The following PSMA8 variants were observed in gnomAD, a reference collection of about 807,000 sequenced individuals.
The protein encoded by PSMA8 is proteasome 20S subunit alpha 8, also known as proteasome subunit alpha-type 8.
A neutral mutation model predicts 32.4 loss-of-function variants in PSMA8; 18 were observed. The ratio of observed to expected loss-of-function variants is 0.56; its 90% CI spans 0.38 to 0.82. The LOEUF (loss-of-function observed/expected upper bound fraction) is 0.82, where lower values mean the gene tolerates loss of function less well. Ranked by LOEUF, PSMA8 falls within the 40% of genes least tolerant of loss-of-function variation. PSMA8 has a pLI of 0.00. For missense variants in PSMA8, 298 were observed against 300.7 expected (o/e 0.99, Z 0.07); for synonymous variants, 104 against 98.1 (o/e 1.06, Z -0.36).
At chr18:26,135,112 T>G (rs1382165163) in intron 1 of PSMA8, among the ~76,000 whole-genome samples, 1 of 152,176 alleles carries the variant, frequency 6.6e-6, no homozygotes, top group African/African-American at 2.4e-5. Flanking sequence ...TCCACATTAC[T>G]GAAAAACTTA....
At chr18:26,170,721 T>C (rs1254915116) in intron 4 of PSMA8, 1 of 1,492,526 alleles carries the variant, frequency 6.7e-7, no homozygotes, top group Non-Finnish European at 9.0e-7. Flanking sequence ...AACACCTTCA[T>C]ATTAATCATT....
intron 1 of PSMA8, chr18:26,139,978 T>C: frequency 1.4e-6 from 1 of 694,522 alleles, no homozygotes; most frequent in Non-Finnish European, 2.6e-6. Context: ...TTTTAAAAGA[T>C]TGTTACTTTT....
chr18:26,190,399 C>T (rs947553321), intron 6 of PSMA8, among the ~76,000 whole-genome samples: 2 of 152,006 alleles, frequency 1.3e-5, no homozygotes, highest in African/African-American at 4.8e-5. Context: ...ATCTCATGTA[C>T]CCCATAATAT....
intron 6 of PSMA8, among the ~76,000 whole-genome samples, chr18:26,186,248 CAAAAAAA>C (rs534639436): frequency 3.6e-5 from 1 of 27,828 alleles, no homozygotes; most frequent in Non-Finnish European, 1.1e-4. Context: ...GACTCTGTCT[CAAAAAAA>C]AAAAAAAAAA....
Position 26,175,492 on chromosome 18 carries a change from G to A in PSMA8, c.478-3338G>A, listed in dbSNP as rs567640365. 7.2e-5 allele frequency among the ~76,000 whole-genome samples: 11 copies of A among 152,252 alleles called. No individual in the cohort carries two copies. In the South Asian group the frequency reaches 8.3e-4, roughly 12 times the overall value. ...AAGGGACTGCACATTGATACTCTTC[G>A]TCACTGAGTCAGTGTAGGCTGGCCC... On this transcript the variant is annotated intron_variant, in intron 4 of 6. Coordinates refer to ENST00000415576, the MANE Select transcript of PSMA8 (RefSeq NM_001025096.2).
chr18:26,137,472 C>T (rs2054921258), intron 1 of PSMA8, among the ~76,000 whole-genome samples: 1 of 152,120 alleles, frequency 6.6e-6, no homozygotes, highest in Non-Finnish European at 1.5e-5. Flanking sequence ...AAAAATTGCA[C>T]TTGCTTCAGA....
At chr18:26,147,871 G>A (rs2055016585) in intron 2 of PSMA8, among the ~76,000 whole-genome samples, 1 of 151,580 alleles carries the variant, frequency 6.6e-6, no homozygotes, top group African/African-American at 2.4e-5. Context: ...ATGAAGAAGG[G>A]GACATTAGTG....
intron 1 of PSMA8, among the ~76,000 whole-genome samples, chr18:26,143,939 C>T (rs765258428): frequency 1.8e-4 from 27 of 152,130 alleles, no homozygotes; most frequent in Non-Finnish European, 3.7e-4. Flanking sequence ...CCAGGCTGGT[C>T]TCGAACTCCA....
At chr18:26,192,117 T>C (rs140760163) in intron 6 of PSMA8, among the ~76,000 whole-genome samples, 9 of 152,332 alleles carry the variant, frequency 5.9e-5, no homozygotes, top group African/African-American at 2.2e-4. Context: ...ACAGTGATAG[T>C]AGAAATGTCA....
intron 6 of PSMA8, among the ~76,000 whole-genome samples, chr18:26,183,678 ATT>A (rs2055330763): frequency 1.3e-5 from 2 of 150,926 alleles, no homozygotes; most frequent in Non-Finnish European, 3.0e-5. Context: ...TGCTGTAAAT[ATT>A]GTTGAAATAA....
At chr18:26,159,786 G>C (rs1042551458) in intron 4 of PSMA8, among the ~76,000 whole-genome samples, 1 of 151,780 alleles carries the variant, frequency 6.6e-6, no homozygotes, top group Non-Finnish European at 1.5e-5. Flanking sequence ...TCTCATGGTG[G>C]GACAGGAGGA....
intron 3 of PSMA8, 77 bp downstream of exon 3, chr18:26,152,059 A>ATG: frequency 9.0e-7 from 1 of 1,116,106 alleles, no homozygotes; most frequent in Non-Finnish European, 1.2e-6. Context: ...GAAGTACTAC[A>ATG]GTTACTCCAA....
intron 1 of PSMA8, among the ~76,000 whole-genome samples, chr18:26,141,246 T>C (rs886509404): frequency 1.3e-5 from 2 of 152,150 alleles, no homozygotes; most frequent in African/African-American, 4.8e-5. Context: ...TTTAATATTT[T>C]TTCTTACTTG....
chr18:26,141,686 T>TTTC (rs59087666), intron 1 of PSMA8, among the ~76,000 whole-genome samples: 8,046 of 150,688 alleles, frequency 0.053, 650 homozygotes, highest in African/African-American at 0.18. Context: ...AGTTCTTTTT[T>TTTC]TTCTTTTTTC....
At chr18:26,157,401 A>G (rs1309989996) in intron 3 of PSMA8, among the ~76,000 whole-genome samples, 2 of 151,838 alleles carry the variant, frequency 1.3e-5, no homozygotes, top group Non-Finnish European at 2.9e-5. Flanking sequence ...TTAAAAAAAA[A>G]AAAAAATTAG....
intron 4 of PSMA8, among the ~76,000 whole-genome samples, chr18:26,174,610 C>G (rs2055249880): frequency 6.6e-6 from 1 of 152,104 alleles, no homozygotes; most frequent in Non-Finnish European, 1.5e-5. Flanking sequence ...GACTTAAGCC[C>G]CACCCTGATT....
chr18:26,191,003 G>A (rs942280867), intron 6 of PSMA8, among the ~76,000 whole-genome samples: 1 of 152,152 alleles, frequency 6.6e-6, no homozygotes, highest in South Asian at 2.1e-4. Context: ...ATTTTATGTA[G>A]ATTATTGACA....
intron 1 of PSMA8, among the ~76,000 whole-genome samples, chr18:26,140,677 A>G (rs893476759): frequency 7.9e-5 from 12 of 152,196 alleles, no homozygotes. Context: ...TTATTTATTT[A>G]GAAAATGTTA....
At chr18:26,160,519 T>C (rs985862470) in intron 4 of PSMA8, among the ~76,000 whole-genome samples, 3 of 152,256 alleles carry the variant, frequency 2.0e-5, no homozygotes, top group Admixed American at 6.5e-5. Flanking sequence ...TATAACATTT[T>C]AGCTATGAGA....
Sources: gnomAD v4.1 joint callset for allele counts (sites outside exome capture counted in the v4.1 genomes callset) on GRCh38, gnomAD v4.1.1 for gene constraint, MANE v1.5 for transcripts, NCBI Gene and HGNC (gene_info 2026-07-23, HGNC 2026-07-21) for gene names.